PPFIBP1: variants seen among roughly 807,000 people sequenced by gnomAD.
PPFIBP1 encodes the protein PPFIB scaffold protein 1.
A neutral mutation model predicts 137.8 loss-of-function variants in PPFIBP1; 112 were observed. The observed-to-expected ratio is 0.81, with a 90% CI of 0.70 to 0.95. The LOEUF (loss-of-function observed/expected upper bound fraction) is 0.95. Among genes scored for constraint, PPFIBP1 ranks in the 40% least tolerant of loss-of-function variants. The probability of loss-of-function intolerance (pLI) is 0.00; values close to 1 mark genes in which losing one functional copy is unlikely to be tolerated. For synonymous variants in PPFIBP1, 378 were observed against 417.3 expected, an observed-to-expected ratio of 0.91 and a Z score of 1.15; for missense variants, 1,083 against 1,196.6, an observed-to-expected ratio of 0.91 and a Z score of 1.40.
intron 1 of PPFIBP1, among the ~76,000 whole-genome samples, chr12:27,556,174 T>C (rs2048688063): frequency 6.6e-6 from 1 of 152,240 alleles, no homozygotes; most frequent in Admixed American, 6.5e-5. Flanking sequence ...TGTGGTTTTC[T>C]GACTTCCCAC....
intron 12 of PPFIBP1, among the ~76,000 whole-genome samples, 175 bp downstream of exon 12, chr12:27,664,621 A>T (rs1053217889): frequency 1.3e-5 from 2 of 148,342 alleles, no homozygotes; most frequent in African/African-American, 4.9e-5. Context: ...CAGCCTGAGG[A>T]GTGAGTGTAC....
At chr12:27,609,423 C>T (rs1430568070) in intron 2 of PPFIBP1, among the ~76,000 whole-genome samples, 1 of 152,176 alleles carries the variant, frequency 6.6e-6, no homozygotes, top group Non-Finnish European at 1.5e-5. Flanking sequence ...CATACAGTCA[C>T]TCAGAAAGTC....
At chr12:27,550,991 ATT>A (rs9300174) in intron 1 of PPFIBP1, among the ~76,000 whole-genome samples, 13 of 136,680 alleles carry the variant, frequency 9.5e-5, no homozygotes, top group Non-Finnish European at 9.4e-5. Flanking sequence ...ATATATATAT[ATT>A]TTTTTTTTTT....
intron 17 of PPFIBP1, among the ~76,000 whole-genome samples, chr12:27,674,716 T>C (rs1593298645): frequency 6.6e-6 from 1 of 152,206 alleles, no homozygotes; most frequent in East Asian, 1.9e-4. Flanking sequence ...CCTTCTTAGA[T>C]TACCATTAGA....
Position 27,658,832 on chromosome 12 carries a change from G to C in PPFIBP1, c.828G>C (p.Lys276Asn), listed in dbSNP as rs1238798450. ...CCTGCACAGATGAAAATTTTAAAAAGAAGCTCAAAGAAAAAAGTAAGGTTT... is the reference window on the plus strand; with the variant it reads ...CCTGCACAGATGAAAATTTTAAAAACAAGCTCAAAGAAAAAAGTAAGGTTT... Reference protein sequence around the residue: ...EIVDRDENFKKKLKEKNIEVQ... With the variant: ...EIVDRDENFKNKLKEKNIEVQ... Residue 276 changes from lysine (K) to asparagine (N), a missense_variant, in exon 10 of 30, where the codon AAG becomes AAC. Transcript: ENST00000228425. 9.9e-6 allele frequency: 16 copies of C among 1,613,088 alleles called. No individual in the cohort carries two copies. Among genetic ancestry groups the C allele is most frequent in the Non-Finnish European group, 1.3e-5 (15 of 1,179,400 alleles).
intron 19 of PPFIBP1, chr12:27,677,951 T>G (rs1445231524): frequency 6.6e-6 from 1 of 152,240 alleles, no homozygotes; most frequent in Non-Finnish European, 1.5e-5. Context: ...ATGTCTAGAA[T>G]GAACACTGGA....
chr12:27,557,494 G>A (rs530246993), intron 1 of PPFIBP1, among the ~76,000 whole-genome samples: 1 of 151,994 alleles, frequency 6.6e-6, no homozygotes, highest in Non-Finnish European at 1.5e-5. Flanking sequence ...CTTGGCACAC[G>A]CCTGCTGGGA....
Position 27,692,595 on chromosome 12 carries a change from A to T in PPFIBP1, c.2870A>T (p.Glu957Val). 6.2e-7 allele frequency: 1 copy of T among 1,613,538 alleles called. No homozygotes were observed. The highest frequency in any genetic ancestry group is 8.5e-7 in the Non-Finnish European group (1 of 1,179,862). ...EDDLDRLEQM[E>V]DSEGTVRQIG... is the part of the protein sequence containing the mutation. ...GTTATGGTTTGTTATTTGCAGATGGAAGATTCAGAAGGGACAGTGAGACAG... is the reference window on the plus strand; with the variant it reads ...GTTATGGTTTGTTATTTGCAGATGGTAGATTCAGAAGGGACAGTGAGACAG... The change falls in exon 29 of 30, where the codon GAA becomes GTA. Residue 957 changes from glutamate (E) to valine (V), a missense_variant. Glu to Val is a moderately radical substitution (Grantham distance 121). Transcript: ENST00000228425.
intron 1 of PPFIBP1, among the ~76,000 whole-genome samples, chr12:27,576,740 G>C (rs2050595986): frequency 6.6e-6 from 1 of 152,114 alleles, no homozygotes; most frequent in Admixed American, 6.5e-5. Context: ...TTATTCTTTG[G>C]TAACATTGAT....
chr12:27,527,866 G>A (rs1943954577), intron 1 of PPFIBP1, among the ~76,000 whole-genome samples: 1 of 152,078 alleles, frequency 6.6e-6, no homozygotes, highest in Non-Finnish European at 1.5e-5. Context: ...TTTAACCGTG[G>A]CCAAACAGAT....
intron 11 of PPFIBP1, among the ~76,000 whole-genome samples, chr12:27,662,169 G>A (rs1236252902): frequency 6.6e-6 from 1 of 152,144 alleles, no homozygotes; most frequent in Non-Finnish European, 1.5e-5. Context: ...AAGAGCAAGA[G>A]TTGTTCATCA....
chr12:27,553,393 A>T (rs1016307021), intron 1 of PPFIBP1, among the ~76,000 whole-genome samples: 1 of 151,864 alleles, frequency 6.6e-6, no homozygotes, highest in East Asian at 1.9e-4. Context: ...TGTCTTACCG[A>T]TAGGTTGCCC....
intron 12 of PPFIBP1, among the ~76,000 whole-genome samples, chr12:27,664,867 T>C (rs535327109): frequency 3.7e-4 from 56 of 152,252 alleles, no homozygotes; most frequent in Non-Finnish European, 7.8e-4. Flanking sequence ...CTTGCTCAAG[T>C]GCAGAGGGAC....
At chr12:27,621,840 G>A (rs1253311225) in intron 2 of PPFIBP1, among the ~76,000 whole-genome samples, 10 of 152,176 alleles carry the variant, frequency 6.6e-5, no homozygotes, top group African/African-American at 2.2e-4. Context: ...GCTTTTTAAT[G>A]CAGTGAGTTT....
intron 2 of PPFIBP1, among the ~76,000 whole-genome samples, chr12:27,580,748 C>G (rs967104193): frequency 6.6e-6 from 1 of 152,172 alleles, no homozygotes; most frequent in African/African-American, 2.4e-5. Context: ...AACATTTGTC[C>G]ATGTGTCCTT....
chr12:27,593,521 T>C (rs2052790846), intron 2 of PPFIBP1: 1 of 404,618 alleles, frequency 2.5e-6, no homozygotes, highest in Non-Finnish European at 4.8e-6. Flanking sequence ...ATGACTGACC[T>C]GAACCATTTC....
intron 2 of PPFIBP1, among the ~76,000 whole-genome samples, chr12:27,616,934 G>C (rs1466061537): frequency 6.6e-6 from 1 of 152,190 alleles, no homozygotes; most frequent in Non-Finnish European, 1.5e-5. Flanking sequence ...ACTAATGATG[G>C]ATAAAAGGAT....
chr12:27,647,650 T>TC, intron 5 of PPFIBP1, 79 bp from the exon 6 acceptor site: 3 of 847,236 alleles, frequency 3.5e-6, no homozygotes. Flanking sequence ...TTCCTTTTTT[T>TC]GTTCCATTTA....
intron 2 of PPFIBP1, chr12:27,593,893 A>G (rs1052985242): frequency 2.3e-5 from 35 of 1,491,268 alleles, no homozygotes; most frequent in Middle Eastern, 1.8e-4. Context: ...AGTGGATGGA[A>G]GGACCCTTGG....
Sources: allele counts gnomAD v4.1 joint callset (sites outside exome capture counted in the v4.1 genomes callset), GRCh38; gene constraint gnomAD v4.1.1; transcripts MANE v1.5; gene names NCBI Gene and HGNC (gene_info 2026-07-23, HGNC 2026-07-21).